ACYP2: variants seen among roughly 807,000 people sequenced by gnomAD.
ACYP2 encodes acylphosphatase 2, also known as acylphosphatase-2.
ACYP2 carries 12 observed loss-of-function variants against 11.2 expected under a neutral mutation model. The observed-to-expected ratio is 1.08, with a 90% confidence interval of 0.69 to 1.74. The LOEUF (loss-of-function observed/expected upper bound fraction) is 1.74, where lower values mean the gene tolerates loss of function less well. Ranked by LOEUF, ACYP2 falls within the 40% of genes most tolerant of loss-of-function variation. ACYP2 has a pLI of 0.00. For missense variants in ACYP2, 134 were observed against 101.9 expected (o/e 1.31, Z -1.35); for synonymous variants, 43 against 32.2 (o/e 1.33, Z -1.13).
intron 6 of ACYP2, among the ~76,000 whole-genome samples, chr2:54,284,560 A>G (rs1045123225): frequency 4.0e-5 from 6 of 151,866 alleles, no homozygotes; most frequent in Admixed American, 3.3e-4. Flanking sequence ...TGCTACTTCT[A>G]TTATTGCTCT....
At chr2:54,134,262 C>T (rs1268266816) in intron 4 of ACYP2, among the ~76,000 whole-genome samples, 1 of 152,024 alleles carries the variant, frequency 6.6e-6, no homozygotes, top group Non-Finnish European at 1.5e-5. Flanking sequence ...CACTGTATTC[C>T]AGCCTGGGTG....
Position 54,255,207 on chromosome 2 carries a change from G to A in ACYP2, c.405-49481G>A, listed in dbSNP as rs777972593. 11 of 1,614,170 alleles carry A rather than the reference G, an allele frequency of 6.8e-6. No individual in the cohort carries two copies. The South Asian group carries it at 1.1e-4, about 16-fold the overall frequency. The stretch of plus-strand genomic sequence containing the variant: ...AAGACACCACTTGGCCGAAGGATCT[G>A]ACCTCATACACCTTTACAATCAGCT... On this transcript the variant is annotated intron_variant, in intron 6 of 6. Coordinates refer to ENST00000607452, the MANE Select transcript of ACYP2 (RefSeq NM_001320586.2).
chr2:54,267,445 T>C, intron 6 of ACYP2: 1 of 1,323,872 alleles, frequency 7.6e-7, no homozygotes, highest in Non-Finnish European at 1.0e-6. Context: ...GGAGAAGGAA[T>C]TGGGAGCTGG....
At chr2:54,178,679 G>C (rs1683577958) in intron 6 of ACYP2, among the ~76,000 whole-genome samples, 1 of 152,042 alleles carries the variant, frequency 6.6e-6, no homozygotes, top group Non-Finnish European at 1.5e-5. Context: ...TGTAATTCTA[G>C]GAAAAATACA....
chr2:54,034,390 T>C (rs1383535584), intron 2 of ACYP2, among the ~76,000 whole-genome samples: 1 of 152,118 alleles, frequency 6.6e-6, no homozygotes, highest in East Asian at 1.9e-4. Context: ...AATACTGTAT[T>C]TGTATTGTAC....
intron 6 of ACYP2, among the ~76,000 whole-genome samples, chr2:54,182,073 T>TTTTTTTTTA (rs1683761470): frequency 6.8e-6 from 1 of 146,608 alleles, no homozygotes; most frequent in African/African-American, 2.5e-5. Flanking sequence ...TTTTTTTTTT[T>TTTTTTTTTA]GGTTGAGACG....
chr2:54,304,093 A>C (rs976013101), intron 6 of ACYP2, among the ~76,000 whole-genome samples: 1 of 152,172 alleles, frequency 6.6e-6, no homozygotes, highest in Non-Finnish European at 1.5e-5. Context: ...TCACTTTGTT[A>C]ATATATGTGG....
chr2:54,093,745 C>T (rs1678360890), intron 4 of ACYP2, among the ~76,000 whole-genome samples: 1 of 152,080 alleles, frequency 6.6e-6, no homozygotes, highest in Non-Finnish European at 1.5e-5. Context: ...TCAAGACCAT[C>T]CTGGCTAACA....
At chr2:54,116,524 C>A (rs1041147055) in intron 4 of ACYP2, among the ~76,000 whole-genome samples, 1 of 143,274 alleles carries the variant, frequency 7.0e-6, no homozygotes, top group African/African-American at 2.5e-5. Context: ...TTTTTGCTCA[C>A]CCTATCATAC....
chr2:54,152,590 T>G (rs1048804262), intron 6 of ACYP2, among the ~76,000 whole-genome samples: 3 of 152,232 alleles, frequency 2.0e-5, no homozygotes, highest in Non-Finnish European at 4.4e-5. Context: ...ACCACTGATG[T>G]CTTTACTGTC....
chr2:54,103,898 A>AGCCG lies in ACYP2; in HGVS notation c.278-31551_278-31548dup, dbSNP rs146546685. Among the ~76,000 whole-genome samples, 1,339 of 152,260 alleles carry AGCCG rather than the reference A, an allele frequency of 8.8e-3. 29 individuals carry two copies. Among genetic ancestry groups the AGCCG allele is most frequent in the African/African-American group, 0.031 (1,270 of 41,524 alleles). ...CCTCCCCTTCCCCACCCTTTGCCCT[A>AGCCG]GCCGGCCAGGTCATGCAGCAGGCAG... On this transcript the variant is annotated intron_variant, in intron 4 of 6. Coordinates refer to ENST00000607452, the MANE Select transcript of ACYP2 (RefSeq NM_001320586.2).
At chr2:54,243,657 C>A (rs539152498) in intron 6 of ACYP2, among the ~76,000 whole-genome samples, 2 of 152,262 alleles carry the variant, frequency 1.3e-5, no homozygotes, top group East Asian at 3.9e-4. Context: ...GCAACCTCTG[C>A]CTCCCTGGTT....
At position 54,111,302 on chromosome 2, in the gene ACYP2, G is replaced by C. The variant is rs1344270541; in HGVS notation, c.278-24151G>C. ...TTCACCATTCCCAGAGAGCCTAAAT[G>C]GATTTCAAAAGTACTTGTTTGTTCC... On this transcript the variant is annotated intron_variant, in intron 4 of 6. Transcript: ENST00000607452. 3.3e-5 allele frequency among the ~76,000 whole-genome samples: 5 copies of C among 152,210 alleles called. No individual in the cohort carries two copies. The Middle Eastern group carries it at 0.014, about 414-fold the overall frequency.
rs555390665 is a variant in ACYP2, at chr2:54,274,148, A to C, written c.405-30540A>C. ...GGGGAAGCCTCATAATTATGGTGGAAGGCAAGGAGGAGCAGTCACATCTTA... is the reference window on the plus strand; with the variant it reads ...GGGGAAGCCTCATAATTATGGTGGACGGCAAGGAGGAGCAGTCACATCTTA... On this transcript the variant is annotated intron_variant, in intron 6 of 6. Coordinates refer to ENST00000607452, the MANE Select transcript of ACYP2 (RefSeq NM_001320586.2). 2.9e-3 allele frequency among the ~76,000 whole-genome samples: 448 copies of C among 152,300 alleles called. 2 individuals carry two copies. The highest frequency in any genetic ancestry group is 3.5e-3 in the Non-Finnish European group (235 of 68,016).
intron 2 of ACYP2, among the ~76,000 whole-genome samples, chr2:53,973,970 C>A (rs66773232): frequency 7.2e-6 from 1 of 138,402 alleles, no homozygotes; most frequent in Non-Finnish European, 1.5e-5. Context: ...GCAATGGATC[C>A]ATCTCGGCTC....
chr2:54,107,187 T>C (rs1331889578), intron 4 of ACYP2, among the ~76,000 whole-genome samples: 1 of 152,234 alleles, frequency 6.6e-6, no homozygotes, highest in African/African-American at 2.4e-5. Context: ...AGACATGTTC[T>C]TTTTAATGTT....
rs528088504 is a variant in ACYP2, at chr2:54,209,085, CAGTT to C, written c.404+70341_404+70344del. 4.2e-3 allele frequency among the ~76,000 whole-genome samples: 633 copies of C among 149,534 alleles called. 8 individuals carry two copies. The highest frequency in any genetic ancestry group is 0.015 in the African/African-American group (598 of 40,596). ...AAGCTAGGAATGTTTGCTGGCTTCT[CAGTT>C]AGTACCACCCAGAAACTGAAAAAAA... On this transcript the variant is annotated intron_variant, in intron 6 of 6. Coordinates refer to ENST00000607452, the MANE Select transcript of ACYP2 (RefSeq NM_001320586.2).
chr2:54,027,841 T>TTG (rs1558480556), intron 2 of ACYP2, among the ~76,000 whole-genome samples: 1 of 116,888 alleles, frequency 8.6e-6, no homozygotes. Flanking sequence ...TTCTTTCTTT[T>TTG]TTTTTTTTTT....
At chr2:54,045,525 G>A (rs1371848762) in intron 2 of ACYP2, among the ~76,000 whole-genome samples, 2 of 152,120 alleles carry the variant, frequency 1.3e-5, no homozygotes, top group South Asian at 2.1e-4. Flanking sequence ...TCATAAAATT[G>A]TGGAACACTG....
Sources: gnomAD v4.1 joint callset for allele counts (sites outside exome capture counted in the v4.1 genomes callset) on GRCh38, gnomAD v4.1.1 for gene constraint, MANE v1.5 for transcripts, NCBI Gene and HGNC (gene_info 2026-07-23, HGNC 2026-07-21) for gene names.